The following TUSC3 variants were observed in gnomAD, a reference collection of about 807,000 sequenced individuals.
TUSC3 encodes the protein tumor suppressor candidate 3.
In TUSC3, 45 loss-of-function variants were observed where a neutral mutation model predicts 44.8. The ratio of observed to expected loss-of-function variants is 1.00; its 90% CI spans 0.79 to 1.29. The LOEUF is 1.29. Ranked by LOEUF, TUSC3 falls within the 50% of genes most tolerant of loss-of-function variation. The probability of loss-of-function intolerance (pLI) is 0.00; values close to 1 mark genes in which losing one functional copy is unlikely to be tolerated. For missense variants in TUSC3, 519 were observed against 437.9 expected, an observed-to-expected ratio of 1.19 and a Z score of -1.65; for synonymous variants, 212 against 152.9, an observed-to-expected ratio of 1.39 and a Z score of -2.85.
chr8:15,618,163 A>T (rs1233141829), intron 1 of TUSC3, among the ~76,000 whole-genome samples: 1 of 152,180 alleles, frequency 6.6e-6, no homozygotes, highest in Non-Finnish European at 1.5e-5. Context: ...AGTAGCGGTG[A>T]GTGAGTGTGA....
chr8:15,535,679 G>T (rs887575286), upstream of TUSC3, among the ~76,000 whole-genome samples: 6 of 152,162 alleles, frequency 3.9e-5, no homozygotes, highest in Non-Finnish European at 7.4e-5. Flanking sequence ...CATGGAGTTT[G>T]CATCCTAACG....
chr8:15,560,209 AAT>A (rs1432556199), intron 1 of TUSC3, among the ~76,000 whole-genome samples: 268 of 144,488 alleles, frequency 1.9e-3, no homozygotes, highest in Non-Finnish European at 3.4e-3. Flanking sequence ...GTGGTGACAA[AAT>A]CTCTCAGCAT....
At chr8:15,791,478 C>G in the TUSC3 span, among the ~76,000 whole-genome samples, 3 of 152,080 alleles carry the variant, frequency 2.0e-5, no homozygotes, top group African/African-American at 7.2e-5. Flanking sequence ...GCATTGTAAA[C>G]TGGATTAGAA....
intron 2 of TUSC3, among the ~76,000 whole-genome samples, chr8:15,487,195 A>G (rs983064433): frequency 2.0e-5 from 3 of 152,044 alleles, no homozygotes; most frequent in African/African-American, 7.2e-5. Flanking sequence ...TTCTTCTTTC[A>G]ATGATCTGAC....
At chr8:15,447,119 A>G (rs930882621) in intron 1 of TUSC3, among the ~76,000 whole-genome samples, 3 of 152,130 alleles carry the variant, frequency 2.0e-5, no homozygotes, top group African/African-American at 4.8e-5. Flanking sequence ...GTTCATATGC[A>G]TAATAAGTAT....
chr8:15,617,849 T>G (rs1451735539), intron 1 of TUSC3, among the ~76,000 whole-genome samples: 1 of 152,188 alleles, frequency 6.6e-6, no homozygotes, highest in East Asian at 1.9e-4. Context: ...CATTTTTGTG[T>G]TGTCTACTGT....
At chr8:15,505,560 C>G (rs1175863093) in intron 2 of TUSC3, among the ~76,000 whole-genome samples, 1 of 152,054 alleles carries the variant, frequency 6.6e-6, no homozygotes, top group Non-Finnish European at 1.5e-5. Context: ...CCATAGTTTC[C>G]TTTACTACAG....
At chr8:15,703,204 A>T (rs540022279) in intron 6 of TUSC3, among the ~76,000 whole-genome samples, 1 of 152,292 alleles carries the variant, frequency 6.6e-6, no homozygotes, top group East Asian at 1.9e-4. Flanking sequence ...TAGAGAAAGT[A>T]TCAGGGGACA....
the TUSC3 span, among the ~76,000 whole-genome samples, chr8:15,847,029 A>G: frequency 9.9e-5 from 15 of 152,284 alleles, no homozygotes; most frequent in Admixed American, 8.5e-4. Flanking sequence ...CTACTTCAGC[A>G]TAACGCCCTA....
the TUSC3 span, among the ~76,000 whole-genome samples, chr8:15,804,422 G>C: frequency 6.6e-6 from 1 of 152,156 alleles, no homozygotes; most frequent in African/African-American, 2.4e-5. Context: ...GTCCTGACTG[G>C]TGTTTTTTAG....
At chr8:15,506,357 C>A (rs1322794436) in intron 2 of TUSC3, among the ~76,000 whole-genome samples, 1 of 152,146 alleles carries the variant, frequency 6.6e-6, no homozygotes, top group Non-Finnish European at 1.5e-5. Flanking sequence ...AGCCATAAAA[C>A]CTGAAAACAT....
At chr8:15,769,974 A>G (rs34397252), downstream of TUSC3, among the ~76,000 whole-genome samples, 9,291 of 152,292 alleles carry the variant, frequency 0.061, 433 homozygotes, top group Non-Finnish European at 0.09. Context: ...GGGAGTGTAA[A>G]TTAGTTCAAC....
chr8:15,813,089 G>A, the TUSC3 span, among the ~76,000 whole-genome samples: 1 of 151,784 alleles, frequency 6.6e-6, no homozygotes, highest in African/African-American at 2.4e-5. Context: ...GTAAGACCAC[G>A]TCTCAAAAAA....
At chr8:15,652,166 G>T (rs894297452) in intron 3 of TUSC3, among the ~76,000 whole-genome samples, 1 of 152,170 alleles carries the variant, frequency 6.6e-6, no homozygotes, top group Non-Finnish European at 1.5e-5. Context: ...ACTTAGTGCA[G>T]TTCCGGGGTT....
intron 7 of TUSC3, among the ~76,000 whole-genome samples, chr8:15,736,419 G>GTGTT (rs1156497740): frequency 1.3e-5 from 2 of 152,114 alleles, no homozygotes; most frequent in East Asian, 1.9e-4. Context: ...ATATAAAATT[G>GTGTT]TGTTTAAAAC....
chr8:15,640,392 A>G (rs902115583), intron 2 of TUSC3, among the ~76,000 whole-genome samples: 11 of 152,194 alleles, frequency 7.2e-5, no homozygotes, highest in African/African-American at 2.7e-4. Flanking sequence ...GTAAATCTCA[A>G]CCATGAATGT....
intron 5 of TUSC3, among the ~76,000 whole-genome samples, chr8:15,666,552 G>A (rs779463419): frequency 1.3e-5 from 2 of 151,398 alleles, no homozygotes; most frequent in Non-Finnish European, 3.0e-5. Context: ...TGATTTATCA[G>A]TAGAAATTTA....
At chr8:15,779,816 C>G in the TUSC3 span, among the ~76,000 whole-genome samples, 1 of 152,270 alleles carries the variant, frequency 6.6e-6, no homozygotes, top group African/African-American at 2.4e-5. Flanking sequence ...CTGATTGTAA[C>G]TCTCACCAAA....
intron 1 of TUSC3, among the ~76,000 whole-genome samples, chr8:15,560,468 G>A (rs1308753013): frequency 6.6e-6 from 1 of 150,620 alleles, no homozygotes; most frequent in Admixed American, 6.6e-5. Context: ...TGGTGAATCT[G>A]ACCATTATGT....
Sources: allele counts gnomAD v4.1 joint callset (sites outside exome capture counted in the v4.1 genomes callset), GRCh38; gene constraint gnomAD v4.1.1; transcripts MANE v1.5; gene names NCBI Gene and HGNC (gene_info 2026-07-23, HGNC 2026-07-21).